SLC14A2: variants seen among roughly 807,000 people sequenced by gnomAD.
SLC14A2 encodes urea transporter 2.
In SLC14A2, 91 loss-of-function variants were observed where a neutral mutation model predicts 104.6. The ratio of observed to expected loss-of-function variants is 0.87; its 90% CI spans 0.73 to 1.04. The LOEUF (loss-of-function observed/expected upper bound fraction) is 1.04, where lower values mean the gene tolerates loss of function less well. SLC14A2 is among the 50% of genes least tolerant of loss of function. The pLI, the probability that SLC14A2 is intolerant of heterozygous loss-of-function variation, is 0.00. For missense variants in SLC14A2, 1,189 were observed against 1,156.0 expected, an observed-to-expected ratio of 1.03 and a Z score of -0.41; for synonymous variants, 476 against 466.4, an observed-to-expected ratio of 1.02 and a Z score of -0.27.
chr18:45,428,622 G>A (rs8086752), intron 1 of SLC14A2, among the ~76,000 whole-genome samples: 86,423 of 151,908 alleles, frequency 0.57, 24,724 homozygotes, highest in Admixed American at 0.69. Flanking sequence ...TAAAACACAG[G>A]CTGTACTTGG....
rs74355912 is a variant in SLC14A2 at position 45,260,361 on chromosome 18, T to C, written c.-125+47170T>C. On this transcript the variant is annotated intron_variant, in intron 1 of 20. Transcript: ENST00000586448. ...TCATGAAGTAACAGGAAGAAAGATC[T>C]TACAGAGATCTTTAAATTTGAAGAG... Among the ~76,000 whole-genome samples the C allele has an allele frequency of 2.4e-4, 36 of 152,274 alleles. 1 individual carries two copies. The East Asian group carries it at 6.2e-3, about 26-fold the overall frequency.
chr18:45,675,709 A>ATATATATATATATTTT, intron 18 of SLC14A2, among the ~76,000 whole-genome samples: 1 of 78,386 alleles, frequency 1.3e-5, no homozygotes, highest in African/African-American at 4.9e-5. Flanking sequence ...ATATATATAT[A>ATATATATATATATTTT]TTTTTTTTTT....
chr18:45,533,397 A>G (rs895449449), intron 2 of SLC14A2, among the ~76,000 whole-genome samples: 2 of 152,138 alleles, frequency 1.3e-5, no homozygotes, highest in African/African-American at 4.8e-5. Flanking sequence ...GCCTATTCAG[A>G]GATTCAACTT....
At chr18:45,183,934 T>TG in the SLC14A2 span, among the ~76,000 whole-genome samples, 3 of 132,352 alleles carry the variant, frequency 2.3e-5, no homozygotes, top group African/African-American at 8.3e-5. Flanking sequence ...TTTTTTTTTT[T>TG]GTGAGACATG....
intron 19 of SLC14A2, among the ~76,000 whole-genome samples, chr18:45,680,792 C>A (rs66757288): frequency 0.16 from 24,215 of 152,192 alleles, 2,203 homozygotes; most frequent in East Asian, 0.39. Context: ...AACTGAGATT[C>A]GGTTCTTGGA....
chr18:45,559,165 T>C lies in SLC14A2; in HGVS notation c.-34-65466T>C, dbSNP rs2852304. 2.8e-3 allele frequency among the ~76,000 whole-genome samples: 420 copies of C among 152,204 alleles called. 6 individuals carry two copies. Among genetic ancestry groups the C allele is most frequent in the African/African-American group, 9.8e-3 (407 of 41,514 alleles). On this transcript the variant is annotated intron_variant, in intron 2 of 20. Transcript: ENST00000586448. ...TATAGGCTAAACTCAATCAGTTCTC[T>C]CAGGGGGCTCATAGTATAAAAGAAA...
chr18:45,231,751 CA>C (rs2084176885), intron 1 of SLC14A2, among the ~76,000 whole-genome samples: 2 of 152,142 alleles, frequency 1.3e-5, no homozygotes, highest in Admixed American at 1.3e-4. Flanking sequence ...ACACACACTT[CA>C]GTTATGCTAT....
At chr18:45,605,728 T>A (rs1375343228) in intron 2 of SLC14A2, among the ~76,000 whole-genome samples, 1 of 152,140 alleles carries the variant, frequency 6.6e-6, no homozygotes. Context: ...GTCTCCTCAC[T>A]CCCAATGCAA....
chr18:45,229,431 T>TTTGC (rs1555665448), intron 1 of SLC14A2, among the ~76,000 whole-genome samples: 97 of 151,984 alleles, frequency 6.4e-4, no homozygotes, highest in Non-Finnish European at 5.9e-5. Context: ...TGTTTGTTTG[T>TTTGC]TTAAAAAAAA....
chr18:45,261,261 G>A (rs946513661), intron 1 of SLC14A2, among the ~76,000 whole-genome samples: 1 of 151,732 alleles, frequency 6.6e-6, no homozygotes, highest in Non-Finnish European at 1.5e-5. Flanking sequence ...AGAACATGCG[G>A]GGTTTGGTTT....
chr18:45,391,410 G>A (rs905692185), intron 1 of SLC14A2, among the ~76,000 whole-genome samples: 2 of 152,186 alleles, frequency 1.3e-5, no homozygotes, highest in Non-Finnish European at 2.9e-5. Flanking sequence ...CTTTAAAGCA[G>A]CATGATTTAT....
At position 45,427,243 on chromosome 18, in the gene SLC14A2, T is replaced by C. The variant is rs2086446815; in HGVS notation, c.-124-55990T>C. Reference sequence around the variant, plus strand: ...TGGAGAAAGCTGTTGAATTCTTCTATTAGTAGGGTTAGAAAAGAAAGGGAA... The same window carrying C: ...TGGAGAAAGCTGTTGAATTCTTCTACTAGTAGGGTTAGAAAAGAAAGGGAA... On this transcript the variant is annotated intron_variant, in intron 1 of 20. Coordinates refer to the SLC14A2 transcript ENST00000586448. Among the ~76,000 whole-genome samples the C allele has an allele frequency of 2.0e-5, 3 of 148,200 alleles. No individual in the cohort carries two copies. The Admixed American group carries it at 2.1e-4, about 10-fold the overall frequency.
chr18:45,656,905 G>A lies in SLC14A2; in HGVS notation c.1352-6880G>A, dbSNP rs935870782. 2.6e-5 allele frequency among the ~76,000 whole-genome samples: 4 copies of A among 152,168 alleles called. No homozygotes were observed. In the South Asian group the frequency reaches 6.2e-4, roughly 24 times the overall value. ...TGAGGATGAGTCTCGCTTCTTTCAA[G>A]GTAACAGTGACTCATACCCCCACCT... On this transcript the variant is annotated intron_variant, in intron 10 of 19. Transcript: ENST00000255226.
At chr18:45,593,093 G>A (rs1242667893) in intron 2 of SLC14A2, among the ~76,000 whole-genome samples, 2 of 152,134 alleles carry the variant, frequency 1.3e-5, no homozygotes, top group Non-Finnish European at 2.9e-5. Context: ...CGAGGCAGGC[G>A]GATCATGAGG....
At chr18:45,563,164 G>A (rs1176546214) in intron 2 of SLC14A2, among the ~76,000 whole-genome samples, 1 of 152,224 alleles carries the variant, frequency 6.6e-6, no homozygotes, top group Non-Finnish European at 1.5e-5. Flanking sequence ...CTTGTAGAAT[G>A]AGAGGCAGGT....
chr18:45,339,193 A>G (rs1184907791), intron 1 of SLC14A2, among the ~76,000 whole-genome samples: 2 of 151,932 alleles, frequency 1.3e-5, no homozygotes, highest in South Asian at 4.1e-4. Flanking sequence ...CAAACTCCCA[A>G]CCTCAGGTGA....
At position 45,347,249 on chromosome 18, in the gene SLC14A2, G is replaced by A. The variant is rs1050405002; in HGVS notation, c.-125+134058G>A. On this transcript the variant is annotated intron_variant, in intron 1 of 20. Transcript: ENST00000586448. ...CATGCACCTATAGTCCCAGCTACTT[G>A]GGAGGCTGAGGTGAAAGGATGGCTT... 5.3e-5 allele frequency among the ~76,000 whole-genome samples: 8 copies of A among 152,176 alleles called. No individual in the cohort carries two copies. The East Asian group carries it at 9.7e-4, about 18-fold the overall frequency.
At position 45,338,763 on chromosome 18, in the gene SLC14A2, G is replaced by A. The variant is rs538657167; in HGVS notation, c.-125+125572G>A. On this transcript the variant is annotated intron_variant, in intron 1 of 20. Transcript: ENST00000586448. ...GTCAACAACCCTGTCAGCAACATGG[G>A]TCCTGTCCCTCTGTCCTCGTGTGAA... Among the ~76,000 whole-genome samples, 3 of 150,064 alleles carry A rather than the reference G, an allele frequency of 2.0e-5. No individual in the cohort carries two copies. The South Asian group carries it at 6.3e-4, about 32-fold the overall frequency.
At chr18:45,416,065 G>A (rs2086273466) in intron 1 of SLC14A2, among the ~76,000 whole-genome samples, 1 of 152,062 alleles carries the variant, frequency 6.6e-6, no homozygotes, top group Non-Finnish European at 1.5e-5. Context: ...CTACCATAAT[G>A]ATTATCTTAA....
Sources: allele counts gnomAD v4.1 joint callset (sites outside exome capture counted in the v4.1 genomes callset), GRCh38; gene constraint gnomAD v4.1.1; transcripts MANE v1.5; gene names NCBI Gene and HGNC (gene_info 2026-07-23, HGNC 2026-07-21).